RASAL2: variants seen among roughly 807,000 people sequenced by gnomAD.
RASAL2 encodes the protein RAS protein activator like 2, also known as ras GTPase-activating protein nGAP.
Under a neutral mutation model 128.9 loss-of-function variants are expected in RASAL2, and 58 were observed. The ratio of observed to expected loss-of-function variants is 0.45; its 90% CI spans 0.36 to 0.56. RASAL2 has a LOEUF of 0.56. Ranked by LOEUF, RASAL2 falls within the 20% of genes least tolerant of loss-of-function variation. The pLI, the probability that RASAL2 is intolerant of heterozygous loss-of-function variation, is 0.00. For synonymous variants in RASAL2, 561 were observed against 580.8 expected (o/e 0.97, Z 0.49); for missense variants, 1,360 against 1,601.6 (o/e 0.85, Z 2.57).
rs1648680416 is a variant in RASAL2 at position 178,476,464 on chromosome 1, A to G, written c.*3225A>G. ...GCACTTGAGCACTTACCATGTTCCA[A>G]GCACTATCACCAAGGTACTGTTGGG... is the stretch of plus-strand genomic sequence containing the variant. On this transcript the variant is annotated 3_prime_UTR_variant, in exon 18 of 18. Transcript: ENST00000367649. 1 of 152,220 alleles carries G rather than the reference A, an allele frequency of 6.6e-6. No homozygotes were observed. The highest frequency in any genetic ancestry group is 1.5e-5 in the Non-Finnish European group (1 of 68,046). The allele number at this position is 152,220 out of a possible 1,614,324, so 9.4% of individuals were successfully genotyped here. A position where few individuals can be genotyped will look rare whatever the true frequency, so the allele number is the denominator to read the frequency against.
chr1:178,322,683 C>T (rs186524899), intron 3 of RASAL2, among the ~76,000 whole-genome samples: 1 of 152,098 alleles, frequency 6.6e-6, no homozygotes, highest in East Asian at 1.9e-4. Flanking sequence ...CATTTTTATC[C>T]TTCTGTATTA....
At chr1:178,379,205 C>T (rs756069686) in intron 3 of RASAL2, among the ~76,000 whole-genome samples, 12 of 151,988 alleles carry the variant, frequency 7.9e-5, no homozygotes, top group Non-Finnish European at 1.6e-4. Context: ...GTAATTAGGC[C>T]TGTGACCTGT....
At chr1:178,249,784 A>G (rs1174904154) in intron 1 of RASAL2, among the ~76,000 whole-genome samples, 2 of 151,788 alleles carry the variant, frequency 1.3e-5, no homozygotes, top group African/African-American at 2.4e-5. Context: ...TGATTTTGAT[A>G]TTGCTTCCTG....
intron 1 of RASAL2, among the ~76,000 whole-genome samples, chr1:178,183,696 T>A (rs930926845): frequency 6.6e-6 from 1 of 152,218 alleles, no homozygotes; most frequent in Non-Finnish European, 1.5e-5. Flanking sequence ...TGAATAGTAT[T>A]TATGTACCTA....
At chr1:178,276,915 G>A (rs1320259833) in intron 1 of RASAL2, among the ~76,000 whole-genome samples, 3 of 151,712 alleles carry the variant, frequency 2.0e-5, no homozygotes, top group African/African-American at 7.3e-5. Context: ...TTGGGAGGCC[G>A]AGGCTGGCGG....
intron 1 of RASAL2, among the ~76,000 whole-genome samples, chr1:178,113,172 A>T (rs1659397415): frequency 6.6e-6 from 1 of 152,100 alleles, no homozygotes; most frequent in Admixed American, 6.5e-5. Flanking sequence ...GTGTGGGTTT[A>T]TATCTGGACT....
intron 16 of RASAL2, among the ~76,000 whole-genome samples, chr1:178,466,808 A>C (rs370543024): frequency 3.9e-5 from 6 of 152,232 alleles, no homozygotes; most frequent in African/African-American, 1.4e-4. Context: ...TCAAGTAAAC[A>C]GAACTGTTTG....
rs566325685 is a variant in RASAL2 at position 178,116,868 on chromosome 1, C to T, written c.202+22174C>T. Among the ~76,000 whole-genome samples the T allele has an allele frequency of 1.3e-4, 20 of 152,240 alleles. No individual in the cohort carries two copies. In the South Asian group the frequency reaches 3.9e-3, roughly 30 times the overall value. ...CTCGTGATCCGCCTGCCTCCGCCTCCCAAAGTGCTGGGATTACCCACCACA... is the reference window on the plus strand; with the variant it reads ...CTCGTGATCCGCCTGCCTCCGCCTCTCAAAGTGCTGGGATTACCCACCACA... On this transcript the variant is annotated intron_variant, in intron 1 of 17. Transcript: ENST00000367649.
At chr1:178,404,848 A>G (rs551966313) in intron 4 of RASAL2, among the ~76,000 whole-genome samples, 1 of 150,910 alleles carries the variant, frequency 6.6e-6, no homozygotes, top group African/African-American at 2.4e-5. Context: ...CACCCAGCTA[A>G]TTTCTGTATT....
chr1:178,232,582 A>C (rs1024862506), intron 1 of RASAL2, among the ~76,000 whole-genome samples: 1 of 152,126 alleles, frequency 6.6e-6, no homozygotes, highest in African/African-American at 2.4e-5. Context: ...AATTCTTCAT[A>C]GTGTAATATA....
Position 178,344,381 on chromosome 1 carries a change from G to T in RASAL2, c.457+44263G>T, listed in dbSNP as rs74131327. ...GAATGAAATATCTTCAAAGAAAAAT[G>T]AAGGCAAAAGATAGGGGCCAGGAGC... is the stretch of plus-strand genomic sequence containing the variant. On this transcript the variant is annotated intron_variant, in intron 3 of 17. Coordinates refer to ENST00000367649, the MANE Select transcript of RASAL2 (RefSeq NM_170692.4). Among the ~76,000 whole-genome samples the T allele has an allele frequency of 5.5e-3, 843 of 152,224 alleles. 11 individuals carry two copies. The highest frequency in any genetic ancestry group is 0.019 in the African/African-American group (788 of 41,534).
At chr1:178,112,701 A>G (rs988910008) in intron 1 of RASAL2, among the ~76,000 whole-genome samples, 6 of 141,330 alleles carry the variant, frequency 4.2e-5, no homozygotes, top group South Asian at 4.7e-4. Flanking sequence ...GAATTGAACA[A>G]TGAGATCACA....
chr1:178,152,534 G>A (rs904998641), intron 1 of RASAL2, among the ~76,000 whole-genome samples: 1 of 151,986 alleles, frequency 6.6e-6, no homozygotes, highest in African/African-American at 2.4e-5. Context: ...GCGTGGTGGC[G>A]GGCACCTGTA....
intron 5 of RASAL2, among the ~76,000 whole-genome samples, chr1:178,434,807 G>A (rs991724644): frequency 1.3e-5 from 2 of 151,684 alleles, no homozygotes; most frequent in African/African-American, 4.8e-5. Flanking sequence ...AAGAAAGGAT[G>A]TGCACTTTCA....
At chr1:178,184,579 A>G (rs936756425) in intron 1 of RASAL2, among the ~76,000 whole-genome samples, 2 of 152,084 alleles carry the variant, frequency 1.3e-5, no homozygotes, top group African/African-American at 2.4e-5. Flanking sequence ...TTGAAATACT[A>G]TTCTTTCTCC....
chr1:178,339,647 G>T (rs988625872), intron 3 of RASAL2, among the ~76,000 whole-genome samples: 2 of 152,132 alleles, frequency 1.3e-5, no homozygotes, highest in African/African-American at 4.8e-5. Context: ...GATAGGTGAG[G>T]CCACTTTAGC....
intron 17 of RASAL2, among the ~76,000 whole-genome samples, chr1:178,471,585 A>G (rs1386455764): frequency 6.6e-6 from 1 of 152,102 alleles, no homozygotes; most frequent in African/African-American, 2.4e-5. Context: ...TTTTTAAATG[A>G]TAATGACAAG....
At chr1:178,131,064 CA>C (rs374904588) in intron 1 of RASAL2, among the ~76,000 whole-genome samples, 24 of 132,836 alleles carry the variant, frequency 1.8e-4, no homozygotes, top group East Asian at 8.5e-4. Flanking sequence ...CAAAAACAAA[CA>C]AAAAAAAAAC....
intron 3 of RASAL2, among the ~76,000 whole-genome samples, chr1:178,342,579 A>G (rs1669942038): frequency 6.6e-6 from 1 of 152,222 alleles, no homozygotes; most frequent in South Asian, 2.1e-4. Context: ...TCAAGAGGAA[A>G]AAATGGCTTT....
Sources: gnomAD v4.1 joint callset for allele counts (sites outside exome capture counted in the v4.1 genomes callset) on GRCh38, gnomAD v4.1.1 for gene constraint, MANE v1.5 for transcripts, NCBI Gene and HGNC (gene_info 2026-07-23, HGNC 2026-07-21) for gene names.